ACER1: variants seen among roughly 807,000 people sequenced by gnomAD.
ACER1 encodes the protein CTB-180A7.3.
In ACER1, 28 loss-of-function variants were observed where a neutral mutation model predicts 24.9. The ratio of observed to expected loss-of-function variants is 1.13; its 90% CI spans 0.83 to 1.54. The LOEUF is 1.54. Ranked by LOEUF, ACER1 falls within the 40% of genes most tolerant of loss-of-function variation. The pLI is 0.00. For missense variants in ACER1, 352 were observed against 349.3 expected (o/e 1.01, Z -0.06); for synonymous variants, 132 against 131.4 (o/e 1.00, Z -0.03).
chr19:6,349,241 C>A, the ACER1 span, among the ~76,000 whole-genome samples: 13 of 151,598 alleles, frequency 8.6e-5, no homozygotes, highest in African/African-American at 3.2e-4. Flanking sequence ...CTTTGAGAAG[C>A]AGAGGCAGGT....
intron 1 of ACER1, among the ~76,000 whole-genome samples, chr19:6,327,652 G>C (rs572759165): frequency 2.1e-4 from 32 of 151,998 alleles, no homozygotes; most frequent in Admixed American, 1.7e-3. Flanking sequence ...TGTGGGCAAA[G>C]TTCAGCCCAC....
chr19:6,320,172 G>A (rs929521455), intron 1 of ACER1, among the ~76,000 whole-genome samples: 2 of 150,124 alleles, frequency 1.3e-5, no homozygotes, highest in Non-Finnish European at 2.9e-5. Flanking sequence ...CTCATTCTTC[G>A]TCCTCATTGC....
rs187971256 is a variant in ACER1 at position 6,324,482 on chromosome 19, G to A, written c.93+8977C>T. Among the ~76,000 whole-genome samples the A allele has an allele frequency of 1.4e-4, 22 of 151,800 alleles. No individual in the cohort carries two copies. In the East Asian group the frequency reaches 3.9e-3, roughly 27 times the overall value. ...TGCACCATTTGAAACTCTCTGCCAGGCGAGGTGGCTCATGCCTGTAATCCC... is the reference window on the plus strand; with the variant it reads ...TGCACCATTTGAAACTCTCTGCCAGACGAGGTGGCTCATGCCTGTAATCCC... On this transcript the variant is annotated intron_variant, in intron 1 of 5. Coordinates refer to ENST00000301452, the MANE Select transcript of ACER1 (RefSeq NM_133492.3).
At chr19:6,319,514 C>A (rs2091619909) in intron 1 of ACER1, among the ~76,000 whole-genome samples, 1 of 151,794 alleles carries the variant, frequency 6.6e-6, no homozygotes, top group Non-Finnish European at 1.5e-5. Flanking sequence ...TTCATTCGTT[C>A]ATTCATTCAT....
At chr19:6,308,435 CAAAAAA>C (rs11343156) in intron 4 of ACER1, among the ~76,000 whole-genome samples, 2 of 103,866 alleles carry the variant, frequency 1.9e-5, no homozygotes, top group African/African-American at 7.5e-5. Flanking sequence ...GACTCCGTCT[CAAAAAA>C]AAAAAAAAAA....
At chr19:6,336,710 C>T (rs549504024), upstream of ACER1, among the ~76,000 whole-genome samples, 62 of 148,700 alleles carry the variant, frequency 4.2e-4, no homozygotes, top group South Asian at 0.013. Flanking sequence ...GTCCCAGCTA[C>T]TTGGGAGGCT....
chr19:6,338,278 T>C (rs2091722715), upstream of ACER1, among the ~76,000 whole-genome samples: 2 of 151,880 alleles, frequency 1.3e-5, no homozygotes, highest in Non-Finnish European at 2.9e-5. Context: ...AGGTATGAGC[T>C]ACTGTGCCCT....
rs574309801 is a variant in ACER1 at position 6,328,543 on chromosome 19, G to A, written c.93+4916C>T. Among the ~76,000 whole-genome samples, 6 of 146,754 alleles carry A rather than the reference G, an allele frequency of 4.1e-5. No homozygotes were observed. In the South Asian group the frequency reaches 1.3e-3, roughly 32 times the overall value. On this transcript the variant is annotated intron_variant, in intron 1 of 5. Transcript: ENST00000301452. ...AAAAGTCAAAAATATTTACTAGCTA[G>A]CCCTGTACAGAAAAGGTTGGCCCTG...
At chr19:6,342,325 G>T in the ACER1 span, among the ~76,000 whole-genome samples, 1 of 140,448 alleles carries the variant, frequency 7.1e-6, no homozygotes, top group South Asian at 2.3e-4. Flanking sequence ...GCAGTGGCTT[G>T]ATCTTGGCTC....
chr19:6,355,364 A>G, the ACER1 span, among the ~76,000 whole-genome samples: 6 of 120,676 alleles, frequency 5.0e-5, no homozygotes, highest in African/African-American at 2.1e-4. Flanking sequence ...CCACCACCCC[A>G]TCTAGGAAGT....
At chr19:6,317,995 T>G (rs2091612143) in intron 1 of ACER1, among the ~76,000 whole-genome samples, 1 of 151,832 alleles carries the variant, frequency 6.6e-6, no homozygotes, top group African/African-American at 2.4e-5. Context: ...ACAAAGCAGA[T>G]CCACTCACCT....
chr19:6,333,547 G>C lies in ACER1; in HGVS notation c.5C>G (p.Pro2Arg), dbSNP rs1433502768. Reference sequence around the variant, plus strand: ...GGAGCTCTGATAGGCGAAGATGCTAGGCATCTTGTCTCAGTGGCCACCACC... The same window carrying C: ...GGAGCTCTGATAGGCGAAGATGCTACGCATCTTGTCTCAGTGGCCACCACC... M[P>R]SIFAYQSSEV... Residue 2 changes from proline to arginine, a missense_variant, in exon 1 of 6, where the codon CCT (proline) becomes CGT (arginine). Pro to Arg is a moderately radical substitution (Grantham distance 103, BLOSUM62 -2). Transcript: ENST00000301452. 3 of 1,580,448 alleles carry C rather than the reference G, an allele frequency of 1.9e-6. No homozygotes were observed. The highest frequency in any genetic ancestry group is 1.7e-6 in the Non-Finnish European group (2 of 1,162,176).
intron 1 of ACER1, among the ~76,000 whole-genome samples, chr19:6,332,074 C>A (rs555774491): frequency 1.4e-4 from 21 of 149,850 alleles, no homozygotes; most frequent in Admixed American, 3.4e-4. Context: ...TCAAGCCATT[C>A]TCTTGCCTCA....
intron 4 of ACER1, among the ~76,000 whole-genome samples, chr19:6,309,426 G>A (rs570028578): frequency 6.6e-6 from 1 of 152,220 alleles, no homozygotes; most frequent in East Asian, 1.9e-4. Context: ...GGAGGCTGGA[G>A]TGGGAGGATT....
the ACER1 span, among the ~76,000 whole-genome samples, chr19:6,342,121 C>T: frequency 6.6e-6 from 1 of 152,202 alleles, no homozygotes; most frequent in East Asian, 1.9e-4. Flanking sequence ...TCTAACAATG[C>T]CCAAAGTCAC....
rs775487847 is a variant in ACER1, at chr19:6,306,751, G to A, written c.758C>T (p.Pro253Leu). The A allele has an allele frequency of 6.8e-6, 11 of 1,613,710 alleles. No homozygotes were observed. The highest frequency in any genetic ancestry group is 9.3e-6 in the Non-Finnish European group (11 of 1,179,766). Residue 253 changes from proline (P) to leucine (L), a missense_variant, in exon 6 of 6, where the codon CCC becomes CTC. Coordinates refer to ENST00000301452, the MANE Select transcript of ACER1 (RefSeq NM_133492.3). ...WPRDSWPVGL[P>L]YVEIRGDDKD... ...GTCATCACCCCGGATTTCCACGTAG[G>A]GCAGCCCCACGGGCCAACTGTCCCG...
intron 1 of ACER1, among the ~76,000 whole-genome samples, chr19:6,323,281 G>A (rs985144704): frequency 4.6e-5 from 7 of 152,010 alleles, no homozygotes; most frequent in Admixed American, 3.3e-4. Flanking sequence ...TTAGCTGGGC[G>A]AGGTGGCGGG....
chr19:6,333,432 G>A, intron 1 of ACER1, 27 bp downstream of exon 1: 1 of 1,535,166 alleles, frequency 6.5e-7, no homozygotes, highest in Non-Finnish European at 8.8e-7. Context: ...CATCTGGCGA[G>A]ACTCCTTCAC....
chr19:6,326,258 G>C (rs2091661514), intron 1 of ACER1, among the ~76,000 whole-genome samples: 1 of 151,806 alleles, frequency 6.6e-6, no homozygotes, highest in Non-Finnish European at 1.5e-5. Flanking sequence ...CTCCCGAGTA[G>C]CTGGGACCAC....
Sources: gnomAD v4.1 joint callset for allele counts (sites outside exome capture counted in the v4.1 genomes callset) on GRCh38, gnomAD v4.1.1 for gene constraint, MANE v1.5 for transcripts, NCBI Gene and HGNC (gene_info 2026-07-23, HGNC 2026-07-21) for gene names.